ARHGEF3: variants seen among roughly 807,000 people sequenced by gnomAD.
The protein encoded by ARHGEF3 is Rho guanine nucleotide exchange factor 3.
ARHGEF3 carries 28 observed loss-of-function variants against 63.2 expected under a neutral mutation model. The observed-to-expected ratio is 0.44, with a 90% CI of 0.33 to 0.61. The LOEUF is 0.61. Among genes scored for constraint, ARHGEF3 ranks in the 20% least tolerant of loss-of-function variants. ARHGEF3 has a pLI of 0.03. For synonymous variants in ARHGEF3, 266 were observed against 254.2 expected (o/e 1.05, Z -0.44); for missense variants, 533 against 659.3 (o/e 0.81, Z 2.10).
chr3:56,968,113 AAT>A lies in ARHGEF3; in HGVS notation c.63-9226_63-9225del, dbSNP rs1322240511. On this transcript the variant is annotated intron_variant, in intron 2 of 12. Transcript: ENST00000338458. ...TATACATAAAATATATATTGTATAT[AAT>A]ATATATAAAACATATATTTTTATAT... 1.2e-3 allele frequency among the ~76,000 whole-genome samples: 58 copies of A among 49,090 alleles called. 4 individuals carry two copies. The highest frequency in any genetic ancestry group is 1.8e-3 in the Non-Finnish European group (53 of 29,428). The allele number at this position is 49,090 out of a possible 152,430, so 32.2% of individuals were successfully genotyped here.
chr3:56,938,431 A>G (rs982693499), intron 3 of ARHGEF3, among the ~76,000 whole-genome samples: 3 of 152,222 alleles, frequency 2.0e-5, no homozygotes, highest in Non-Finnish European at 4.4e-5. Flanking sequence ...AATAGAATAT[A>G]TTTTAAGTGA....
intron 3 of ARHGEF3, among the ~76,000 whole-genome samples, chr3:56,924,149 C>T (rs1019872043): frequency 2.6e-5 from 4 of 152,186 alleles, no homozygotes; most frequent in African/African-American, 9.7e-5. Context: ...AACAGGAATG[C>T]AAGTCTGTGA....
At chr3:56,931,856 T>G (rs1439207194) in intron 3 of ARHGEF3, among the ~76,000 whole-genome samples, 2 of 152,194 alleles carry the variant, frequency 1.3e-5, no homozygotes, top group Non-Finnish European at 2.9e-5. Context: ...GGATGATTGC[T>G]TTAGAGCCAT....
At position 56,801,846 on chromosome 3, in the gene ARHGEF3, G is replaced by T. The variant is rs956946143; in HGVS notation, c.-48C>A. 1.9e-6 allele frequency: 3 copies of T among 1,551,542 alleles called. No homozygotes were observed. Among genetic ancestry groups the T allele is most frequent in the African/African-American group, 1.4e-5 (1 of 73,078 alleles). On this transcript the variant is annotated 5_prime_UTR_variant, in exon 1 of 10. Transcript: ENST00000296315. ...TGGGATGTCACCGCTGACCCTAGGC[G>T]ACTACAAAACTCCCAGGCAAAAGGG...
chr3:56,864,892 C>T (rs1010815934), intron 4 of ARHGEF3, among the ~76,000 whole-genome samples: 3 of 152,076 alleles, frequency 2.0e-5, no homozygotes, highest in Non-Finnish European at 2.9e-5. Context: ...GCAAATGTCA[C>T]CCTTTTGTCA....
intron 2 of ARHGEF3, among the ~76,000 whole-genome samples, chr3:56,971,469 A>T (rs1409840254): frequency 2.0e-5 from 3 of 152,152 alleles, no homozygotes; most frequent in Non-Finnish European, 4.4e-5. Context: ...CCAAATGAAC[A>T]GCATTGAAGA....
chr3:56,794,691 A>G (rs1217493387), intron 1 of ARHGEF3, among the ~76,000 whole-genome samples: 1 of 152,142 alleles, frequency 6.6e-6, no homozygotes, highest in Non-Finnish European at 1.5e-5. Context: ...ATAAAATGGC[A>G]TACTGTTTGC....
intron 2 of ARHGEF3, 48 bp from the exon 3 acceptor site, chr3:56,755,199 G>C (rs1349085616): frequency 6.3e-7 from 1 of 1,587,410 alleles, no homozygotes. Flanking sequence ...GGCAGGACTG[G>C]GTGGATCTTT....
intron 2 of ARHGEF3, among the ~76,000 whole-genome samples, chr3:57,018,985 GAA>G (rs1179956396): frequency 1.4e-5 from 2 of 146,292 alleles, no homozygotes; most frequent in African/African-American, 5.0e-5. Context: ...AGATTTTCCA[GAA>G]AAAAAAAAAT....
chr3:56,934,104 C>A lies in ARHGEF3; in HGVS notation c.129+24719G>T, dbSNP rs373847153. Among the ~76,000 whole-genome samples, 77 of 152,332 alleles carry A rather than the reference C, an allele frequency of 5.1e-4. No homozygotes were observed. In the East Asian group the frequency reaches 0.013, roughly 26 times the overall value. On this transcript the variant is annotated intron_variant, in intron 3 of 12. Transcript: ENST00000338458. ...TAAACCTCTTTTCTTTATAAACTAC[C>A]CAGTTTCGGGTATTTCTTTACAGCA...
At chr3:57,017,739 A>G (rs1440847852) in intron 2 of ARHGEF3, among the ~76,000 whole-genome samples, 1 of 152,138 alleles carries the variant, frequency 6.6e-6, no homozygotes, top group Non-Finnish European at 1.5e-5. Context: ...AAAGCCACAC[A>G]TTGTCCCCAG....
chr3:56,989,470 A>C (rs1406590354), intron 2 of ARHGEF3, among the ~76,000 whole-genome samples: 1 of 152,170 alleles, frequency 6.6e-6, no homozygotes, highest in Non-Finnish European at 1.5e-5. Context: ...GTACAGAGAG[A>C]CACTCCGAGC....
intron 3 of ARHGEF3, among the ~76,000 whole-genome samples, chr3:56,920,480 C>A (rs1015143867): frequency 6.6e-6 from 1 of 152,188 alleles, no homozygotes; most frequent in Non-Finnish European, 1.5e-5. Flanking sequence ...TTATAAGGAA[C>A]ATACTCGTCA....
chr3:57,062,230 C>G (rs1276489134), intron 1 of ARHGEF3, among the ~76,000 whole-genome samples: 1 of 152,252 alleles, frequency 6.6e-6, no homozygotes, highest in Non-Finnish European at 1.5e-5. Flanking sequence ...GCTCCACACT[C>G]TGGGCCTGTC....
chr3:56,792,252 C>A (rs533063074), intron 1 of ARHGEF3, among the ~76,000 whole-genome samples: 4 of 152,214 alleles, frequency 2.6e-5, no homozygotes, highest in African/African-American at 9.6e-5. Flanking sequence ...CCCCTCTTCT[C>A]TACATCCCAT....
chr3:56,984,470 G>A (rs926314671), intron 2 of ARHGEF3, among the ~76,000 whole-genome samples: 3 of 151,966 alleles, frequency 2.0e-5, no homozygotes, highest in African/African-American at 4.8e-5. Flanking sequence ...GACAAGCCCC[G>A]CAAACTGTGA....
chr3:56,892,194 A>C (rs9861054), intron 3 of ARHGEF3, among the ~76,000 whole-genome samples: 145 of 152,298 alleles, frequency 9.5e-4, no homozygotes, highest in African/African-American at 3.3e-3. Flanking sequence ...AGGAGAAAAG[A>C]CAGAAAACTC....
chr3:57,049,612 C>G (rs1704592047), intron 1 of ARHGEF3, among the ~76,000 whole-genome samples: 1 of 152,154 alleles, frequency 6.6e-6, no homozygotes, highest in African/African-American at 2.4e-5. Context: ...GGGAATTGCT[C>G]AGAAATGCAG....
chr3:56,821,919 C>T (rs1231566981), intron 4 of ARHGEF3, among the ~76,000 whole-genome samples: 1 of 150,738 alleles, frequency 6.6e-6, no homozygotes, highest in East Asian at 1.9e-4. Flanking sequence ...AGCCAAGTCG[C>T]ACCACTGCAC....
Sources: gnomAD v4.1 joint callset for allele counts (sites outside exome capture counted in the v4.1 genomes callset) on GRCh38, gnomAD v4.1.1 for gene constraint, MANE v1.5 for transcripts, NCBI Gene and HGNC (gene_info 2026-07-23, HGNC 2026-07-21) for gene names.